MCC: variants seen among roughly 807,000 people sequenced by gnomAD.
MCC encodes colorectal mutant cancer protein.
A neutral mutation model predicts 116.2 loss-of-function variants in MCC; 90 were observed. That is an observed-to-expected ratio of 0.77 (90% CI 0.65 to 0.92). MCC has a LOEUF of 0.92. Ranked by LOEUF, MCC falls within the 40% of genes least tolerant of loss-of-function variation. The pLI is 0.00. For missense variants in MCC, 1,516 were observed against 1,312.2 expected (o/e 1.16, Z -2.40); for synonymous variants, 578 against 510.5 (o/e 1.13, Z -1.78).
intron 8 of MCC, among the ~76,000 whole-genome samples, chr5:113,085,852 C>G (rs952253147): frequency 7.2e-5 from 11 of 152,148 alleles, no homozygotes; most frequent in Non-Finnish European, 1.6e-4. Context: ...CCACACCTGG[C>G]TAATTTTTAA....
chr5:113,077,040 A>G (rs929849259), intron 11 of MCC, among the ~76,000 whole-genome samples: 6 of 152,188 alleles, frequency 3.9e-5, no homozygotes, highest in African/African-American at 1.4e-4. Flanking sequence ...TAAACCAACA[A>G]AGATCAAAAG....
intron 6 of MCC, among the ~76,000 whole-genome samples, chr5:113,112,101 C>T (rs751909142): frequency 1.3e-5 from 2 of 152,172 alleles, no homozygotes; most frequent in Non-Finnish European, 2.9e-5. Context: ...CCCTCTTTAC[C>T]AGAATGACTT....
chr5:113,156,458 C>G (rs1760176271), intron 3 of MCC, among the ~76,000 whole-genome samples: 1 of 152,202 alleles, frequency 6.6e-6, no homozygotes, highest in Non-Finnish European at 1.5e-5. Flanking sequence ...CAAGCCCCAT[C>G]AGAGGTGCTA....
chr5:113,029,847 C>G (rs961817904), intron 17 of MCC, among the ~76,000 whole-genome samples: 2 of 152,202 alleles, frequency 1.3e-5, no homozygotes, highest in Admixed American at 6.5e-5. Flanking sequence ...CACTTAGTAG[C>G]ACACTCAGCA....
intron 3 of MCC, among the ~76,000 whole-genome samples, chr5:113,197,209 T>C (rs1267855149): frequency 1.3e-5 from 2 of 152,138 alleles, no homozygotes; most frequent in Admixed American, 1.3e-4. Context: ...TCAAAGGAGA[T>C]ATAATTACAA....
At chr5:113,341,566 TGA>T (rs1335634854) in intron 2 of MCC, among the ~76,000 whole-genome samples, 5 of 152,220 alleles carry the variant, frequency 3.3e-5, no homozygotes, top group Non-Finnish European at 7.3e-5. Flanking sequence ...GCAATGAAGC[TGA>T]GTTCTGGGCA....
intron 1 of MCC, among the ~76,000 whole-genome samples, chr5:113,470,327 TC>T (rs1295768730): frequency 1.3e-5 from 2 of 152,140 alleles, no homozygotes; most frequent in East Asian, 3.9e-4. Context: ...TACCAGTTGT[TC>T]CTTTCCATGT....
At chr5:113,429,087 T>C (rs1020282280) in intron 1 of MCC, among the ~76,000 whole-genome samples, 3 of 152,186 alleles carry the variant, frequency 2.0e-5, no homozygotes, top group African/African-American at 7.2e-5. Context: ...ACTTTACATA[T>C]ACTCTTTTTG....
At chr5:113,464,923 TAA>T (rs1284948810) in intron 1 of MCC, among the ~76,000 whole-genome samples, 1 of 152,030 alleles carries the variant, frequency 6.6e-6, no homozygotes, top group African/African-American at 2.4e-5. Flanking sequence ...CTGACTGACA[TAA>T]AAAAGACTTG....
intron 11 of MCC, among the ~76,000 whole-genome samples, chr5:113,074,781 C>T (rs1439631325): frequency 2.6e-5 from 4 of 152,092 alleles, no homozygotes; most frequent in Non-Finnish European, 5.9e-5. Context: ...TGGAAGAAAG[C>T]GTATCAGGGA....
intron 14 of MCC, among the ~76,000 whole-genome samples, chr5:113,056,976 T>G (rs1752876379): frequency 6.6e-6 from 1 of 152,000 alleles, no homozygotes. Context: ...CATGAGGTTA[T>G]TATTTGTGAT....
chr5:113,286,727 T>C (rs1766277551), intron 3 of MCC, among the ~76,000 whole-genome samples: 1 of 152,224 alleles, frequency 6.6e-6, no homozygotes, highest in Admixed American at 6.5e-5. Flanking sequence ...AGCTGCTAAC[T>C]ACAGAATTTT....
intron 1 of MCC, among the ~76,000 whole-genome samples, chr5:113,399,341 CG>C (rs1314130743): frequency 6.6e-6 from 1 of 151,928 alleles, no homozygotes; most frequent in Non-Finnish European, 1.5e-5. Flanking sequence ...AAAAATTAGC[CG>C]GGCGTGGTGG....
At chr5:113,462,017 G>T (rs1281672804) in intron 1 of MCC, among the ~76,000 whole-genome samples, 1 of 152,128 alleles carries the variant, frequency 6.6e-6, no homozygotes, top group Admixed American at 6.6e-5. Flanking sequence ...AAAGTAAAAG[G>T]GTTTAACCTG....
intron 9 of MCC, among the ~76,000 whole-genome samples, chr5:113,084,423 T>C (rs1755061678): frequency 6.6e-6 from 1 of 152,246 alleles, no homozygotes; most frequent in South Asian, 2.1e-4. Flanking sequence ...GTCCTGTGCA[T>C]TGTAGGACAT....
chr5:113,465,213 AG>A (rs1379071360), intron 1 of MCC, among the ~76,000 whole-genome samples: 2 of 151,786 alleles, frequency 1.3e-5, no homozygotes, highest in Non-Finnish European at 2.9e-5. Context: ...AAAAAAAAAA[AG>A]ATCCATAATG....
chr5:113,267,168 C>T (rs1401769285), intron 3 of MCC, among the ~76,000 whole-genome samples: 3 of 152,164 alleles, frequency 2.0e-5, no homozygotes, highest in Non-Finnish European at 4.4e-5. Flanking sequence ...GTCCCTGTAG[C>T]AGGCCCTCAG....
chr5:113,137,139 T>A (rs920295900), intron 5 of MCC, among the ~76,000 whole-genome samples: 2 of 152,118 alleles, frequency 1.3e-5, no homozygotes, highest in African/African-American at 2.4e-5. Flanking sequence ...CTCAGAAAAC[T>A]TATAATCATG....
At chr5:113,385,309 T>G in intron 1 of MCC, 97 bp from the exon 2 acceptor site, 1 of 1,219,044 alleles carries the variant, frequency 8.2e-7, no homozygotes. Flanking sequence ...TTAAATATAT[T>G]CACATACTAG....
Sources: allele counts gnomAD v4.1 joint callset (sites outside exome capture counted in the v4.1 genomes callset), GRCh38; gene constraint gnomAD v4.1.1; transcripts MANE v1.5; gene names NCBI Gene and HGNC (gene_info 2026-07-23, HGNC 2026-07-21).